The following SLC9D1 variants were observed in gnomAD, a reference collection of about 807,000 sequenced individuals.
SLC9D1 encodes putative LAG1-interacting protein.
At chr13:113,502,953 C>T in the SLC9D1 span, among the ~76,000 whole-genome samples, 7 of 152,318 alleles carry the variant, frequency 4.6e-5, no homozygotes, top group African/African-American at 1.4e-4. Context: ...GCAGAGGAGC[C>T]GCAAGCCCAC....
At chr13:113,521,126 G>T in the SLC9D1 span, among the ~76,000 whole-genome samples, 1 of 152,152 alleles carries the variant, frequency 6.6e-6, no homozygotes, top group East Asian at 1.9e-4. Context: ...ATCTGTGTGT[G>T]TGTGTGTAGG....
chr13:113,495,534 G>T, the SLC9D1 span: 1 of 1,363,988 alleles, frequency 7.3e-7, no homozygotes, highest in South Asian at 1.4e-5. Context: ...CAAGCTCAGT[G>T]GGGCAGAGAC....
chr13:113,492,791 G>C, the SLC9D1 span, among the ~76,000 whole-genome samples: 1 of 152,124 alleles, frequency 6.6e-6, no homozygotes, highest in Non-Finnish European at 1.5e-5. Flanking sequence ...CCAGCTACTT[G>C]GGAGGCTGAG....
At chr13:113,527,043 C>T in the SLC9D1 span, among the ~76,000 whole-genome samples, 13 of 152,230 alleles carry the variant, frequency 8.5e-5, no homozygotes, top group African/African-American at 2.9e-4. Context: ...TGTAAATGCA[C>T]TCTGGAATGT....
chr13:113,509,261 G>A, the SLC9D1 span, among the ~76,000 whole-genome samples: 1 of 143,270 alleles, frequency 7.0e-6, no homozygotes, highest in Admixed American at 6.9e-5. Context: ...GCCTGTCTAT[G>A]TTGGGACTGG....
the SLC9D1 span, chr13:113,535,219 C>A: frequency 6.6e-6 from 1 of 152,232 alleles, no homozygotes; most frequent in South Asian, 2.1e-4. This position sits in a 1 kb window ranked among gnomAD's most constrained non-coding sequence, Gnocchi z 4.1. Context: ...AACTGTGTTG[C>A]TCACAAGCTA....
the SLC9D1 span, among the ~76,000 whole-genome samples, chr13:113,493,437 G>T: frequency 1.3e-5 from 2 of 152,102 alleles, no homozygotes; most frequent in Non-Finnish European, 2.9e-5. Context: ...ATTTAGCTCC[G>T]TTGGACCAAC....
At chr13:113,543,640 C>G in the SLC9D1 span, among the ~76,000 whole-genome samples, 1 of 147,532 alleles carries the variant, frequency 6.8e-6, no homozygotes, top group African/African-American at 2.5e-5. Flanking sequence ...TAAAATGGAT[C>G]AGGCCTGACC....
the SLC9D1 span, among the ~76,000 whole-genome samples, chr13:113,508,371 C>T: frequency 6.6e-6 from 1 of 152,238 alleles, no homozygotes; most frequent in Non-Finnish European, 1.5e-5. Context: ...GTAACCCCCA[C>T]GCCCGTGGCC....
chr13:113,506,352 T>C, the SLC9D1 span, among the ~76,000 whole-genome samples: 1 of 106,342 alleles, frequency 9.4e-6, no homozygotes, highest in Non-Finnish European at 1.8e-5. Flanking sequence ...TGTCAGCCAG[T>C]GGCTGCCTGG....
the SLC9D1 span, among the ~76,000 whole-genome samples, chr13:113,511,242 C>T: frequency 0.18 from 27,551 of 151,210 alleles, 3,304 homozygotes; most frequent in African/African-American, 0.34. Flanking sequence ...CAGTAAAATA[C>T]GGGGTCGAAA....
chr13:113,533,843 C>T, the SLC9D1 span, among the ~76,000 whole-genome samples: 10 of 152,238 alleles, frequency 6.6e-5, no homozygotes, highest in Non-Finnish European at 1.3e-4. Flanking sequence ...CAAACCAATG[C>T]AGCTTCCACC....
chr13:113,526,167 C>A, the SLC9D1 span, among the ~76,000 whole-genome samples: 12 of 152,284 alleles, frequency 7.9e-5, no homozygotes, highest in Admixed American at 7.8e-4. Flanking sequence ...GGTCCTGACC[C>A]TGTGCGGGTT....
chr13:113,540,342 A>G, the SLC9D1 span, among the ~76,000 whole-genome samples: 4 of 152,202 alleles, frequency 2.6e-5, no homozygotes, highest in African/African-American at 9.6e-5. Context: ...AAACTAATTT[A>G]CTGTCCTACC....
chr13:113,528,055 A>G, the SLC9D1 span: 1 of 152,176 alleles, frequency 6.6e-6, no homozygotes, highest in South Asian at 2.1e-4. Context: ...ATTTGTTTAC[A>G]GAGAGTGTTT....
the SLC9D1 span, chr13:113,539,307 C>T: frequency 5.7e-6 from 9 of 1,587,478 alleles, no homozygotes; most frequent in Admixed American, 1.5e-4. This position sits in a 1 kb window ranked among gnomAD's most constrained non-coding sequence, Gnocchi z 4.8. Flanking sequence ...ATGGGGGTGA[C>T]CCTGGTGCAC....
the SLC9D1 span, among the ~76,000 whole-genome samples, chr13:113,519,631 AGGCTC>A: frequency 6.6e-6 from 1 of 151,958 alleles, no homozygotes; most frequent in Non-Finnish European, 1.5e-5. Flanking sequence ...CACACAGTGA[AGGCTC>A]ATTCCGTGTG....
At chr13:113,498,283 A>T in the SLC9D1 span, 1 of 1,279,410 alleles carries the variant, frequency 7.8e-7, no homozygotes. Context: ...TGATTAAGAA[A>T]GTCATGTCCT....
chr13:113,497,260 T>C, the SLC9D1 span, among the ~76,000 whole-genome samples: 1 of 151,440 alleles, frequency 6.6e-6, no homozygotes, highest in African/African-American at 2.4e-5. Flanking sequence ...GACCTGCAGC[T>C]ATGTGAGACC....
Sources: allele counts gnomAD v4.1 joint callset (sites outside exome capture counted in the v4.1 genomes callset), GRCh38; gene constraint gnomAD v4.1.1; non-coding constraint Gnocchi (gnomAD v3.1); transcripts MANE v1.5; gene names NCBI Gene and HGNC (gene_info 2026-07-23, HGNC 2026-07-21).